Variants in MCF2L2 observed in about 807,000 individuals in gnomAD.
MCF2L2 encodes the protein probable guanine nucleotide exchange factor MCF2L2.
MCF2L2 carries 102 observed loss-of-function variants against 150.2 expected under a neutral mutation model. The observed-to-expected ratio is 0.68, with a 90% CI of 0.58 to 0.80. MCF2L2 has a LOEUF of 0.80. Ranked by LOEUF, MCF2L2 falls within the 30% of genes least tolerant of loss-of-function variation. The pLI, the probability that MCF2L2 is intolerant of heterozygous loss-of-function variation, is 0.00. For missense variants in MCF2L2, 1,256 were observed against 1,372.8 expected (o/e 0.91, Z 1.34); for synonymous variants, 465 against 491.3 (o/e 0.95, Z 0.71).
At chr3:183,242,675 T>G (rs1029780923) in intron 15 of MCF2L2, among the ~76,000 whole-genome samples, 2 of 152,034 alleles carry the variant, frequency 1.3e-5, no homozygotes, top group African/African-American at 2.4e-5. Flanking sequence ...TAGGGGAGTA[T>G]GGAAGGGAAA....
chr3:183,292,883 A>G (rs1412592579), intron 13 of MCF2L2, among the ~76,000 whole-genome samples: 1 of 152,186 alleles, frequency 6.6e-6, no homozygotes, highest in African/African-American at 2.4e-5. Flanking sequence ...ACAAGCCAAT[A>G]GAGGAATTAA....
Position 183,290,784 on chromosome 3 carries a change from G to A in MCF2L2, c.1676-1564C>T, listed in dbSNP as rs531026652. Among the ~76,000 whole-genome samples, 13 of 152,134 alleles carry A rather than the reference G, an allele frequency of 8.5e-5. 1 individual carries two copies. In the East Asian group the frequency reaches 9.7e-4, roughly 11 times the overall value. On this transcript the variant is annotated intron_variant, in intron 13 of 29. Coordinates refer to ENST00000328913, the MANE Select transcript of MCF2L2 (RefSeq NM_015078.4). ...CTTGACCTCATGATCTGCCTGCCTCGGCCTCCCAAAGTGCTGGGATTACAG... is the reference window on the plus strand; with the variant it reads ...CTTGACCTCATGATCTGCCTGCCTCAGCCTCCCAAAGTGCTGGGATTACAG...
chr3:183,192,232 C>A (rs1422643491), intron 27 of MCF2L2, among the ~76,000 whole-genome samples: 1 of 152,080 alleles, frequency 6.6e-6, no homozygotes, highest in Non-Finnish European at 1.5e-5. Flanking sequence ...CTCCGCCTCC[C>A]AGGTTCAAGC....
At chr3:183,419,308 G>C (rs1413158780) in intron 1 of MCF2L2, among the ~76,000 whole-genome samples, 8 of 152,248 alleles carry the variant, frequency 5.3e-5, no homozygotes, top group Non-Finnish European at 1.2e-4. Context: ...ACTGTGATGG[G>C]AGGGGCTGCC....
chr3:183,269,887 T>C (rs1726577156), intron 15 of MCF2L2: 1 of 1,614,084 alleles, frequency 6.2e-7, no homozygotes. Flanking sequence ...AGCCTCATGT[T>C]TTTTTGGGAA....
At chr3:183,259,027 A>C (rs1431220433) in intron 15 of MCF2L2, among the ~76,000 whole-genome samples, 1 of 152,202 alleles carries the variant, frequency 6.6e-6, no homozygotes, top group Non-Finnish European at 1.5e-5. Flanking sequence ...CACGACCATA[A>C]ATTTTTTTTT....
chr3:183,307,004 A>G (rs1364925615), intron 10 of MCF2L2, among the ~76,000 whole-genome samples: 1 of 152,234 alleles, frequency 6.6e-6, no homozygotes, highest in Non-Finnish European at 1.5e-5. Flanking sequence ...ACTGTTTTTC[A>G]GAATCAGGAA....
chr3:183,298,325 G>T, intron 11 of MCF2L2: 1 of 152,098 alleles, frequency 6.6e-6, no homozygotes, highest in East Asian at 1.9e-4. Context: ...TTTACCATGT[G>T]ACCTGAAAAG....
At chr3:183,298,736 G>GA in intron 11 of MCF2L2, 1 of 113,796 alleles carries the variant, frequency 8.8e-6, no homozygotes, top group East Asian at 3.2e-4. Flanking sequence ...CTCTCTCTCT[G>GA]TCTCCCTCTC....
chr3:183,393,570 A>C (rs917163843), intron 1 of MCF2L2, among the ~76,000 whole-genome samples: 1 of 152,230 alleles, frequency 6.6e-6, no homozygotes, highest in Admixed American at 6.5e-5. Context: ...ATCCTGGGCA[A>C]ACAAATATAC....
At chr3:183,303,537 G>A (rs187591154) in intron 10 of MCF2L2, among the ~76,000 whole-genome samples, 1 of 152,256 alleles carries the variant, frequency 6.6e-6, no homozygotes, top group East Asian at 1.9e-4. Context: ...AACTTGCACT[G>A]GTTTATGGTT....
rs530322326 is a variant in MCF2L2 at position 183,302,920 on chromosome 3, C to T, written c.1114-2724G>A. 3.3e-5 allele frequency among the ~76,000 whole-genome samples: 5 copies of T among 152,262 alleles called. No individual in the cohort carries two copies. In the South Asian group the frequency reaches 8.3e-4, roughly 25 times the overall value. ...GTAGAATTCCTCCCTCCTGGCTGGG[C>T]GCGGTGGCTCACACCAGTAATCCCA... On this transcript the variant is annotated intron_variant, in intron 10 of 29. Coordinates refer to ENST00000328913, the MANE Select transcript of MCF2L2 (RefSeq NM_015078.4).
chr3:183,391,211 A>G (rs1714125410), intron 1 of MCF2L2, among the ~76,000 whole-genome samples: 1 of 151,564 alleles, frequency 6.6e-6, no homozygotes. Context: ...TGCTAGTTAT[A>G]TCCCTTGTTC....
At position 183,222,654 on chromosome 3, in the gene MCF2L2, G is replaced by A. The variant is rs1451332549; in HGVS notation, c.2301+692C>T. Among the ~76,000 whole-genome samples the A allele has an allele frequency of 2.6e-5, 4 of 152,210 alleles. No homozygotes were observed. In the East Asian group the frequency reaches 7.7e-4, roughly 29 times the overall value. ...TTTTTGTTTTTTATTAAGAAATAGT[G>A]GCCACTGGGCAAGAGCTACCTAAAT... On this transcript the variant is annotated intron_variant, in intron 20 of 29. Coordinates refer to ENST00000328913, the MANE Select transcript of MCF2L2 (RefSeq NM_015078.4).
chr3:183,375,207 T>A (rs1013150139), intron 3 of MCF2L2: 5 of 152,242 alleles, frequency 3.3e-5, no homozygotes, highest in African/African-American at 1.2e-4. Flanking sequence ...AATCTTTATA[T>A]AGACAAGATC....
At chr3:183,285,319 A>G (rs1727725391) in intron 14 of MCF2L2, among the ~76,000 whole-genome samples, 1 of 152,270 alleles carries the variant, frequency 6.6e-6, no homozygotes, top group Non-Finnish European at 1.5e-5. Context: ...CATTTAGGGC[A>G]CAAGAGATTA....
intron 9 of MCF2L2, among the ~76,000 whole-genome samples, chr3:183,310,352 A>T (rs1729308427): frequency 6.6e-6 from 1 of 152,064 alleles, no homozygotes; most frequent in Non-Finnish European, 1.5e-5. Context: ...AATACAAAAA[A>T]TTAGCTGAGT....
At chr3:183,357,379 T>C (rs1711851153) in intron 3 of MCF2L2, among the ~76,000 whole-genome samples, 1 of 152,132 alleles carries the variant, frequency 6.6e-6, no homozygotes, top group South Asian at 2.1e-4. Context: ...GAAGAGGCCA[T>C]TGAGATAAAA....
At position 183,276,977 on chromosome 3, in the gene MCF2L2, G is replaced by A. The variant is rs1405244585; in HGVS notation, c.1777-20C>T. 6.5e-7 allele frequency: 1 copy of A among 1,528,820 alleles called. No homozygotes were observed. The highest frequency in any genetic ancestry group is 9.0e-7 in the Non-Finnish European group (1 of 1,114,836). The allele number at this position is 1,528,820 out of a possible 1,614,324, so 94.7% of individuals were successfully genotyped here. A position where few individuals can be genotyped will look rare whatever the true frequency, so the allele number is the denominator to read the frequency against. On this transcript the variant is annotated intron_variant, in intron 14 of 29. Transcript: ENST00000328913. Reference sequence around the variant, plus strand: ...TTCACTCTGAAGTGAAAGAAATTTTGGTAAGATTTGATATTGTAGGGACCT... The same window carrying A: ...TTCACTCTGAAGTGAAAGAAATTTTAGTAAGATTTGATATTGTAGGGACCT...
Sources: gnomAD v4.1 joint callset for allele counts (sites outside exome capture counted in the v4.1 genomes callset) on GRCh38, gnomAD v4.1.1 for gene constraint, MANE v1.5 for transcripts, NCBI Gene and HGNC (gene_info 2026-07-23, HGNC 2026-07-21) for gene names.